Variants in DNAH14 observed in about 807,000 individuals in gnomAD.
DNAH14 encodes axonemal beta dynein heavy chain 14.
In DNAH14, 478 loss-of-function variants were observed where a neutral mutation model predicts 520.9. The ratio of observed to expected loss-of-function variants is 0.92; its 90% CI spans 0.85 to 0.99. The LOEUF (loss-of-function observed/expected upper bound fraction) is 0.99, where lower values mean the gene tolerates loss of function less well. Among genes scored for constraint, DNAH14 ranks in the 50% least tolerant of loss-of-function variants. The pLI is 0.00. For synonymous variants in DNAH14, 1,581 were observed against 1,757.2 expected (o/e 0.90, Z 2.51); for missense variants, 4,831 against 5,234.5 (o/e 0.92, Z 2.38).
intron 54 of DNAH14, among the ~76,000 whole-genome samples, chr1:225,282,578 T>C (rs1281953261): frequency 1.3e-5 from 2 of 152,208 alleles, no homozygotes; most frequent in African/African-American, 2.4e-5. Flanking sequence ...TGGTAATCAA[T>C]ACAGGGTGCA....
intron 11 of DNAH14, among the ~76,000 whole-genome samples, chr1:225,038,452 G>A (rs2067169199): frequency 6.6e-6 from 1 of 151,850 alleles, no homozygotes; most frequent in East Asian, 1.9e-4. Context: ...CATCCTAATG[G>A]GTATGAGGTG....
intron 64 of DNAH14, among the ~76,000 whole-genome samples, chr1:225,326,777 A>G (rs775097144): frequency 2.6e-5 from 4 of 152,192 alleles, no homozygotes; most frequent in East Asian, 1.9e-4. Flanking sequence ...TAGAAACTCT[A>G]TGTAAACAAA....
chr1:225,305,963 G>T (rs1480778306), intron 58 of DNAH14, among the ~76,000 whole-genome samples: 1 of 152,202 alleles, frequency 6.6e-6, no homozygotes, highest in Non-Finnish European at 1.5e-5. Flanking sequence ...CCACAGCCAA[G>T]CTCCGTGTCT....
At chr1:225,224,114 C>T (rs1574112035) in intron 41 of DNAH14, among the ~76,000 whole-genome samples, 1 of 151,972 alleles carries the variant, frequency 6.6e-6, no homozygotes, top group African/African-American at 2.4e-5. Flanking sequence ...GATTATCAGA[C>T]ATTACTGGGT....
intron 11 of DNAH14, among the ~76,000 whole-genome samples, chr1:225,032,226 CCTT>C (rs1235576774): frequency 6.6e-6 from 1 of 151,994 alleles, no homozygotes; most frequent in Non-Finnish European, 1.5e-5. Context: ...CCCTCTCCCT[CCTT>C]CTACCTTCCT....
chr1:224,970,880 CTGT>C lies in DNAH14; in HGVS notation c.767+2008_767+2010del, dbSNP rs1379950321. 4.6e-5 allele frequency among the ~76,000 whole-genome samples: 7 copies of C among 152,206 alleles called. No individual in the cohort carries two copies. The South Asian group carries it at 1.2e-3, about 27-fold the overall frequency. On this transcript the variant is annotated intron_variant, in intron 7 of 85. Coordinates refer to ENST00000682510, the MANE Select transcript of DNAH14 (RefSeq NM_001367479.1). Reference sequence around the variant, plus strand: ...ATTTATATGAATATTTATTGAGAGTCTGTTAAGAACCAGGCATTATTCTAGATG... The same window carrying C: ...ATTTATATGAATATTTATTGAGAGTCTAAGAACCAGGCATTATTCTAGATG...
At chr1:225,192,964 T>C (rs1444042397) in intron 38 of DNAH14, 53 bp downstream of exon 38, 1 of 1,345,640 alleles carries the variant, frequency 7.4e-7, no homozygotes, top group African/African-American at 1.5e-5. Flanking sequence ...GATTATTTAA[T>C]TGCTTATCCA....
At chr1:224,983,236 A>C (rs2062396907) in intron 8 of DNAH14, among the ~76,000 whole-genome samples, 1 of 152,122 alleles carries the variant, frequency 6.6e-6, no homozygotes, top group African/African-American at 2.4e-5. Flanking sequence ...CTGTTGCTTT[A>C]AAGTTTGTTT....
chr1:225,297,182 T>C (rs564533174), intron 55 of DNAH14, among the ~76,000 whole-genome samples: 1 of 152,214 alleles, frequency 6.6e-6, no homozygotes, highest in South Asian at 2.1e-4. Context: ...TATTTTTTCA[T>C]TGAAATCTGT....
At chr1:225,017,665 C>A (rs2449277) in intron 10 of DNAH14, among the ~76,000 whole-genome samples, 1 of 152,196 alleles carries the variant, frequency 6.6e-6, no homozygotes, top group African/African-American at 2.4e-5. Context: ...CAACCCCTAG[C>A]GCAGTGCTAT....
intron 72 of DNAH14, among the ~76,000 whole-genome samples, chr1:225,352,200 ATG>A (rs1223027120): frequency 6.6e-6 from 1 of 152,136 alleles, no homozygotes; most frequent in Non-Finnish European, 1.5e-5. Context: ...ATTTTAACAA[ATG>A]TGTGTTTTTA....
At chr1:225,185,199 C>CA (rs1399206092) in intron 36 of DNAH14, 92 bp from the exon 37 acceptor site, 3 of 1,349,452 alleles carry the variant, frequency 2.2e-6, no homozygotes, top group African/African-American at 1.5e-5. Context: ...ATTATAGCCA[C>CA]AAAAAATAAA....
At chr1:225,127,531 C>T (rs1055494955) in intron 27 of DNAH14, among the ~76,000 whole-genome samples, 8 of 144,778 alleles carry the variant, frequency 5.5e-5, no homozygotes, top group African/African-American at 2.3e-4. Flanking sequence ...AGATTGCAAC[C>T]CCTGCCTTTT....
At chr1:225,128,777 C>T (rs938905244) in intron 27 of DNAH14, among the ~76,000 whole-genome samples, 1 of 152,114 alleles carries the variant, frequency 6.6e-6, no homozygotes, top group African/African-American at 2.4e-5. Flanking sequence ...TGCCCTCTCT[C>T]ACCACTCCTA....
intron 10 of DNAH14, among the ~76,000 whole-genome samples, chr1:225,007,937 T>TC (rs905522701): frequency 6.6e-6 from 1 of 151,484 alleles, no homozygotes; most frequent in Non-Finnish European, 1.5e-5. Context: ...CTTTTTTTTT[T>TC]TTTATACTTT....
chr1:225,366,481 T>C (rs2095554639), intron 76 of DNAH14, among the ~76,000 whole-genome samples: 1 of 152,146 alleles, frequency 6.6e-6, no homozygotes, highest in South Asian at 2.1e-4. Context: ...ACACCTACTT[T>C]TAGAGATATG....
At chr1:225,346,421 T>A (rs1371026159) in intron 70 of DNAH14, 35 bp from the exon 71 acceptor site, 2 of 1,529,960 alleles carry the variant, frequency 1.3e-6, no homozygotes, top group East Asian at 4.9e-5. Flanking sequence ...GCTTATTTAA[T>A]CTCACTGGAT....
chr1:225,057,274 A>G, intron 17 of DNAH14, among the ~76,000 whole-genome samples: 1 of 152,078 alleles, frequency 6.6e-6, no homozygotes, highest in East Asian at 1.9e-4. Flanking sequence ...ATTCCTAGGT[A>G]TTTTATTCTC....
chr1:224,935,946 C>T (rs2125355255), intron 1 of DNAH14, among the ~76,000 whole-genome samples: 1 of 151,666 alleles, frequency 6.6e-6, no homozygotes, highest in East Asian at 1.9e-4. Flanking sequence ...GTATTTCATT[C>T]AACATGCCCC....
Sources: allele counts gnomAD v4.1 joint callset (sites outside exome capture counted in the v4.1 genomes callset), GRCh38; gene constraint gnomAD v4.1.1; transcripts MANE v1.5; gene names NCBI Gene and HGNC (gene_info 2026-07-23, HGNC 2026-07-21).